The following SIGLEC12 variants were observed in gnomAD, a reference collection of about 807,000 sequenced individuals.
SIGLEC12 encodes the protein sialic acid binding Ig like lectin 12.
In SIGLEC12, 43 loss-of-function variants were observed where a neutral mutation model predicts 54.1. That is an observed-to-expected ratio of 0.80 (90% CI 0.62 to 1.03). The LOEUF is 1.03. Among genes scored for constraint, SIGLEC12 ranks in the 50% least tolerant of loss-of-function variants. The probability of loss-of-function intolerance (pLI) is 0.00; values close to 1 mark genes in which losing one functional copy is unlikely to be tolerated. For synonymous variants in SIGLEC12, 357 were observed against 307.6 expected (o/e 1.16, Z -1.68); for missense variants, 802 against 735.2 (o/e 1.09, Z -1.05).
chr19:51,495,663 C>T (rs1990224885), intron 7 of SIGLEC12, among the ~76,000 whole-genome samples: 1 of 152,120 alleles, frequency 6.6e-6, no homozygotes, highest in African/African-American at 2.4e-5. Flanking sequence ...ATTGGTTTGG[C>T]CATATCCCTC....
At chr19:51,492,283 G>T (rs1286207631) in intron 7 of SIGLEC12, among the ~76,000 whole-genome samples, 1 of 152,118 alleles carries the variant, frequency 6.6e-6, no homozygotes, top group African/African-American at 2.4e-5. Context: ...AACTGAAGGA[G>T]GTGGCAATAA....
rs752993157 is a variant in SIGLEC12 at position 51,491,815 on chromosome 19, T to C, written c.1614A>G (p.Glu538=). Residue 538 remains glutamate (E), a synonymous_variant, in exon 8 of 8, where the codon GAA becomes GAG. Coordinates refer to ENST00000291707, the MANE Select transcript of SIGLEC12 (RefSeq NM_053003.4). The stretch of plus-strand genomic sequence containing the variant: ...GTGGGGGGCTGTCATCTGCCGGGGA[T>C]TCAATCAGGGGTCCCTGAATGGAGG... ...RGSASQGPLI[E]SPADDSPPHH... 29 of 1,572,998 alleles carry C rather than the reference T, an allele frequency of 1.8e-5. No individual in the cohort carries two copies. Among genetic ancestry groups the C allele is most frequent in the Non-Finnish European group, 2.3e-5 (27 of 1,161,180 alleles).
chr19:51,501,340 A>C lies in SIGLEC12; in HGVS notation c.394T>G (p.Tyr132Asp). 1 of 1,614,024 alleles carries C rather than the reference A, an allele frequency of 6.2e-7. No individual in the cohort carries two copies. The highest frequency in any genetic ancestry group is 8.5e-7 in the Non-Finnish European group (1 of 1,179,992). ...CVERGNMKWN[Y>D]KYDQLSVNVT... Reference sequence around the variant, plus strand: ...TTCACAGAGAGCTGGTCATATTTATAATTCCATTTCATATTTCCTCTCTCT... The same window carrying C: ...TTCACAGAGAGCTGGTCATATTTATCATTCCATTTCATATTTCCTCTCTCT... The change falls in exon 1 of 8, where the codon TAT becomes GAT. Residue 132 changes from tyrosine (Y) to aspartate (D), a missense_variant. Transcript: ENST00000291707.
Position 51,501,467 on chromosome 19 carries a change from A to G in SIGLEC12, c.267T>C (p.Thr89=). 4 of 1,614,100 alleles carry G rather than the reference A, an allele frequency of 2.5e-6. No individual in the cohort carries two copies. The highest frequency in any genetic ancestry group is 3.4e-6 in the Non-Finnish European group (4 of 1,180,024). Residue 89 remains threonine (T), a synonymous_variant, in exon 1 of 8, where the codon ACT becomes ACC. Coordinates refer to ENST00000291707, the MANE Select transcript of SIGLEC12 (RefSeq NM_053003.4). ...NNPARAVQEE[T]RDRFHLLGDP... ...CCCCAAGGAGGTGGAATCGGTCCCG[A>G]GTCTCCTCCTGCACTGCTCGAGCTG...
chr19:51,493,148 G>A (rs1371119935), intron 7 of SIGLEC12, among the ~76,000 whole-genome samples: 1 of 152,026 alleles, frequency 6.6e-6, no homozygotes, highest in Admixed American at 6.6e-5. Flanking sequence ...ACCACTGCTT[G>A]GCTGAGTCCA....
chr19:51,494,356 A>G (rs892419648), intron 7 of SIGLEC12, among the ~76,000 whole-genome samples: 2 of 152,264 alleles, frequency 1.3e-5, no homozygotes, highest in African/African-American at 4.8e-5. Flanking sequence ...GAAGCATATG[A>G]AAACATCACT....
Position 51,495,311 on chromosome 19 carries a change from G to A in SIGLEC12, c.1599+1569C>T, listed in dbSNP as rs533077009. The stretch of plus-strand genomic sequence containing the variant: ...TGGATGGATGGACGGACGGACGGGT[G>A]GGTGGATGGATGGATGGATGGATGG... On this transcript the variant is annotated intron_variant, in intron 7 of 7. Coordinates refer to ENST00000291707, the MANE Select transcript of SIGLEC12 (RefSeq NM_053003.4). 8.4e-3 allele frequency among the ~76,000 whole-genome samples: 921 copies of A among 109,022 alleles called. 29 individuals carry two copies. Among genetic ancestry groups the A allele is most frequent in the Non-Finnish European group, 0.013 (667 of 50,212 alleles). 71.5% of individuals were successfully genotyped at this position (109,022 alleles called of 152,430 possible).
At chr19:51,497,908 G>T in intron 5 of SIGLEC12, 110 bp downstream of exon 5, 2 of 1,463,866 alleles carry the variant, frequency 1.4e-6, no homozygotes, top group Non-Finnish European at 1.9e-6. Flanking sequence ...TCACTGCTTG[G>T]CAGCAAGAGG....
intron 7 of SIGLEC12, among the ~76,000 whole-genome samples, chr19:51,493,400 A>T (rs1038154822): frequency 6.6e-6 from 1 of 152,138 alleles, no homozygotes; most frequent in Non-Finnish European, 1.5e-5. Flanking sequence ...TGTTGTCTTC[A>T]TGCCATCAAT....
Position 51,499,444 on chromosome 19 carries a change from T to A in SIGLEC12, c.1081A>T (p.Ile361Leu), listed in dbSNP as rs373503153. The change falls in exon 3 of 8, where the codon ATA (isoleucine) becomes TTA (leucine). Residue 361 changes from isoleucine (I) to leucine (L), a missense_variant. Physicochemically the swap from Ile to Leu is conservative, Grantham distance 5 (BLOSUM62 2). Transcript: ENST00000291707. ...VTMTRAVRLN[I>L]SYPPQNLTMT... Reference sequence around the variant, plus strand: ...GTCCTGGCCCAGAACTCACAGGATATGTTGAGTCGGACAGCCCTGGTCATG... The same window carrying A: ...GTCCTGGCCCAGAACTCACAGGATAAGTTGAGTCGGACAGCCCTGGTCATG... 2.5e-6 allele frequency: 4 copies of A among 1,578,458 alleles called. No individual in the cohort carries two copies. In the African/African-American group the frequency reaches 5.5e-5, roughly 22 times the overall value.
chr19:51,491,783 G>T lies in SIGLEC12; in HGVS notation c.1646C>A (p.Ala549Asp). The change falls in exon 8 of 8, where the codon GCT becomes GAT. Residue 549 changes from alanine to aspartate, a missense_variant. By Grantham distance (126) the Ala-to-Asp change is moderately radical (BLOSUM62 -2). Transcript: ENST00000291707. ...SPADDSPPHHAPPALATPSPE... is the reference protein window; with the variant it reads ...SPADDSPPHHDPPALATPSPE... ...GGAGGGGGTGGCCAGGGCTGGCGGA[G>T]CATGGTGTGGGGGGCTGTCATCTGC... The T allele has an allele frequency of 6.2e-7, 1 of 1,604,606 alleles. No homozygotes were observed. Among genetic ancestry groups the T allele is most frequent in the Non-Finnish European group, 8.5e-7 (1 of 1,175,398 alleles).
At chr19:51,500,493 G>A in intron 1 of SIGLEC12, 193 bp from the exon 2 acceptor site, 1 of 915,592 alleles carries the variant, frequency 1.1e-6, no homozygotes, top group Admixed American at 2.5e-5. Context: ...GCCCTGCATG[G>A]AAGAGAAACT....
chr19:51,492,642 A>C (rs553796697), intron 7 of SIGLEC12, among the ~76,000 whole-genome samples: 2 of 152,242 alleles, frequency 1.3e-5, no homozygotes, highest in Non-Finnish European at 2.9e-5. Flanking sequence ...GGGTCCTTAC[A>C]AGTAGTGAAA....
At position 51,499,624 on chromosome 19, in the gene SIGLEC12, G is replaced by C; in HGVS notation, c.901C>G (p.Gln301Glu). The C allele has an allele frequency of 6.2e-7, 1 of 1,613,860 alleles. No individual in the cohort carries two copies. The highest frequency in any genetic ancestry group is 8.5e-7 in the Non-Finnish European group (1 of 1,179,920). The change falls in exon 3 of 8, where the codon CAG (glutamine) becomes GAG (glutamate). Residue 301 changes from glutamine to glutamate, a missense_variant. Coordinates refer to ENST00000291707, the MANE Select transcript of SIGLEC12 (RefSeq NM_053003.4). ...CAGGTGATCGTGGGGGGCGTCCCCT[G>C]TTCACAGGCCCAGGGCACAGAGCAG... ...LTCSVPWACE[Q>E]GTPPTITWMG...
chr19:51,499,601 G>A lies in SIGLEC12; in HGVS notation c.924C>T (p.Thr308=). Residue 308 remains threonine, a synonymous_variant, in exon 3 of 8, where the codon ACC becomes ACT. Coordinates refer to ENST00000291707, the MANE Select transcript of SIGLEC12 (RefSeq NM_053003.4). ...GGGAGGACACGGAGGCCCCCATCCA[G>A]GTGATCGTGGGGGGCGTCCCCTGTT... is the stretch of plus-strand genomic sequence containing the variant. The part of the protein sequence containing the change: ...ACEQGTPPTI[T]WMGASVSSLD... The A allele has an allele frequency of 6.2e-7, 1 of 1,613,178 alleles. No homozygotes were observed. The highest frequency in any genetic ancestry group is 8.5e-7 in the Non-Finnish European group (1 of 1,179,572).
chr19:51,492,210 G>A (rs1445913803), intron 7 of SIGLEC12, among the ~76,000 whole-genome samples: 1 of 152,180 alleles, frequency 6.6e-6, no homozygotes, highest in Non-Finnish European at 1.5e-5. Flanking sequence ...CCTGGGCTGG[G>A]TGCTGGATGG....
In SIGLEC12 at chr19:51,498,055, G is replaced by A. The variant is rs1990287795; in HGVS notation, c.1368C>T (p.His456=). Residue 456 remains histidine, a synonymous_variant, in exon 5 of 8, where the codon CAC becomes CAT. Coordinates refer to ENST00000291707, the MANE Select transcript of SIGLEC12 (RefSeq NM_053003.4). ...CRAQNPLGSQ[H]ISLSLSLQNE... is the part of the protein sequence containing the mutation. ...TTTGCAGGGAGAGGCTCAGGGAAAT[G>A]TGCTGGGAGCCTAGAGGGTTCTGAG... is the stretch of plus-strand genomic sequence containing the variant. The A allele has an allele frequency of 6.2e-7, 1 of 1,614,240 alleles. No individual in the cohort carries two copies. Among genetic ancestry groups the A allele is most frequent in the Non-Finnish European group, 8.5e-7 (1 of 1,180,026 alleles).
In SIGLEC12 at chr19:51,491,272, C is replaced by A; in HGVS notation, c.*369G>T. The A allele has an allele frequency of 6.2e-6, 1 of 162,528 alleles. No homozygotes were observed. Among genetic ancestry groups the A allele is most frequent in the Non-Finnish European group, 1.3e-5 (1 of 77,124 alleles). The allele number at this position is 162,528 out of a possible 1,614,324, so 10.1% of individuals were successfully genotyped here. ...TCTCTTTTAGCCATTTTGAAATATT[C>A]AATACATTATTCTGTTATTTGGAAC... On this transcript the variant is annotated 3_prime_UTR_variant, in exon 8 of 8. Coordinates refer to ENST00000291707, the MANE Select transcript of SIGLEC12 (RefSeq NM_053003.4).
chr19:51,499,532 T>C lies in SIGLEC12; in HGVS notation c.993A>G (p.Pro331=). The change falls in exon 3 of 8, where the codon CCA becomes CCG. Residue 331 remains proline, a synonymous_variant. Coordinates refer to ENST00000291707, the MANE Select transcript of SIGLEC12 (RefSeq NM_053003.4). The part of the protein sequence containing the change: ...ITRSSMLSLI[P]QPQDHGTSLT... ...GGCTGGTGCCATGGTCCTGGGGCTGTGGGATGAGGCTGAGCATCGAGGAGC... is the reference window on the plus strand; with the variant it reads ...GGCTGGTGCCATGGTCCTGGGGCTGCGGGATGAGGCTGAGCATCGAGGAGC... The C allele has an allele frequency of 6.2e-7, 1 of 1,610,828 alleles. No individual in the cohort carries two copies. The highest frequency in any genetic ancestry group is 1.1e-5 in the South Asian group (1 of 90,778).
Sources: gnomAD v4.1 joint callset for allele counts (sites outside exome capture counted in the v4.1 genomes callset) on GRCh38, gnomAD v4.1.1 for gene constraint, MANE v1.5 for transcripts, NCBI Gene and HGNC (gene_info 2026-07-23, HGNC 2026-07-21) for gene names.